The following LPP variants were observed in gnomAD, a reference collection of about 807,000 sequenced individuals.
The protein encoded by LPP is LIM domain containing preferred translocation partner in lipoma.
A neutral mutation model predicts 60.4 loss-of-function variants in LPP; 38 were observed. The ratio of observed to expected loss-of-function variants is 0.63; its 90% CI spans 0.49 to 0.83. LPP has a LOEUF of 0.83. LPP is among the 40% of genes least tolerant of loss of function. The pLI, the probability that LPP is intolerant of heterozygous loss-of-function variation, is 0.00. For synonymous variants in LPP, 328 were observed against 290.8 expected (o/e 1.13, Z -1.30); for missense variants, 902 against 783.6 (o/e 1.15, Z -1.80).
chr3:188,241,194 A>G (rs60597814), intron 2 of LPP, among the ~76,000 whole-genome samples: 2,580 of 152,266 alleles, frequency 0.017, 69 homozygotes, highest in African/African-American at 0.056. Context: ...GTATGGATAG[A>G]ACTACTGATA....
intron 3 of LPP, among the ~76,000 whole-genome samples, chr3:188,367,072 A>AT (rs1283954810): frequency 3.3e-5 from 5 of 151,834 alleles, no homozygotes; most frequent in Admixed American, 2.6e-4. Flanking sequence ...AATTTTTTGT[A>AT]TTTTTAGTAG....
chr3:188,654,181 G>A (rs1404999312), intron 7 of LPP, among the ~76,000 whole-genome samples: 1 of 152,134 alleles, frequency 6.6e-6, no homozygotes, highest in Non-Finnish European at 1.5e-5. Context: ...CAATTGATTT[G>A]CACAAATACA....
intron 5 of LPP, among the ~76,000 whole-genome samples, chr3:188,490,725 C>A (rs892113087): frequency 6.9e-6 from 1 of 144,928 alleles, no homozygotes; most frequent in Non-Finnish European, 1.5e-5. Context: ...AAAATCAATT[C>A]AAGTTTTAGC....
At chr3:188,662,806 T>C (rs1341329961) in intron 7 of LPP, among the ~76,000 whole-genome samples, 1 of 152,248 alleles carries the variant, frequency 6.6e-6, no homozygotes. Flanking sequence ...CTCAAAGCCA[T>C]GTGACTCTCC....
chr3:188,203,400 A>ATTTT (rs1243907397), intron 1 of LPP, among the ~76,000 whole-genome samples: 1 of 64,314 alleles, frequency 1.6e-5, no homozygotes, highest in South Asian at 6.4e-4. Flanking sequence ...ATTAATATAT[A>ATTTT]TTTTTATAAA....
chr3:188,280,428 G>A (rs780078998), intron 2 of LPP, among the ~76,000 whole-genome samples: 5 of 152,094 alleles, frequency 3.3e-5, no homozygotes, highest in South Asian at 2.1e-4. Flanking sequence ...CACGAATGCC[G>A]CATCTCAGGA....
chr3:188,646,936 G>T (rs1267998213), intron 7 of LPP, among the ~76,000 whole-genome samples: 2 of 152,232 alleles, frequency 1.3e-5, no homozygotes, highest in Non-Finnish European at 2.9e-5. Flanking sequence ...GTCTAGCTAG[G>T]TTGCTTCCCC....
chr3:188,718,771 G>T (rs1321248552), intron 8 of LPP, among the ~76,000 whole-genome samples: 5 of 152,082 alleles, frequency 3.3e-5, no homozygotes, highest in Admixed American at 2.6e-4. Context: ...GACAGGACAT[G>T]GTATATAGTA....
At chr3:188,819,242 C>T (rs764683873) in intron 9 of LPP, among the ~76,000 whole-genome samples, 2 of 152,010 alleles carry the variant, frequency 1.3e-5, no homozygotes, top group Non-Finnish European at 2.9e-5. Context: ...GGGCTTCTAT[C>T]GATCCCATCA....
chr3:188,838,690 G>A (rs976095758), intron 9 of LPP, among the ~76,000 whole-genome samples: 1 of 152,184 alleles, frequency 6.6e-6, no homozygotes, highest in Non-Finnish European at 1.5e-5. Flanking sequence ...AAAGGGATGA[G>A]TTCATGTCCT....
intron 7 of LPP, 37 bp from the exon 8 acceptor site, chr3:188,708,230 G>C: frequency 1.2e-6 from 2 of 1,610,688 alleles, no homozygotes; most frequent in Non-Finnish European, 1.7e-6. Flanking sequence ...GATGGTCTAG[G>C]TGGCAATTAA....
chr3:188,607,392 TATATATATATATATATATATATATAA>T (rs1192404984), intron 6 of LPP, among the ~76,000 whole-genome samples: 879 of 31,022 alleles, frequency 0.028, 36 homozygotes, highest in African/African-American at 0.11. Context: ...TATATATATA[TATATATATATATATATATATATATAA>T]TTTTTTTTTC....
chr3:188,739,407 A>T (rs1200753491), intron 8 of LPP, among the ~76,000 whole-genome samples: 1 of 152,110 alleles, frequency 6.6e-6, no homozygotes, highest in Non-Finnish European at 1.5e-5. Context: ...AATGAATTGC[A>T]TCCAGAATGC....
intron 9 of LPP, among the ~76,000 whole-genome samples, chr3:188,805,293 A>G (rs1748753686): frequency 6.6e-6 from 1 of 151,986 alleles, no homozygotes. Context: ...TGTTTGGTAC[A>G]GTTTGCCAGT....
At chr3:188,532,742 A>G (rs1188406342) in intron 6 of LPP, among the ~76,000 whole-genome samples, 1 of 152,170 alleles carries the variant, frequency 6.6e-6, no homozygotes, top group African/African-American at 2.4e-5. Context: ...TTTTCAAAAG[A>G]TAGAATAGTA....
rs532961180 is a variant in LPP at position 188,600,154 on chromosome 3, T to C, written c.430-9007T>C. On this transcript the variant is annotated intron_variant, in intron 6 of 11. Coordinates refer to ENST00000617246, the MANE Select transcript of LPP (RefSeq NM_001375462.1). ...ACATGGACATTGGAATACCACAATA[T>C]TTTAGAGTGTGTTTGCTTGGTTTTT... Among the ~76,000 whole-genome samples the C allele has an allele frequency of 4.0e-5, 6 of 149,904 alleles. No homozygotes were observed. The East Asian group carries it at 1.2e-3, about 29-fold the overall frequency.
chr3:188,477,195 AT>A, intron 4 of LPP, among the ~76,000 whole-genome samples: 1 of 152,330 alleles, frequency 6.6e-6, no homozygotes, highest in East Asian at 1.9e-4. Flanking sequence ...CTGGCTTGAC[AT>A]TCTGATCCTT....
intron 6 of LPP, among the ~76,000 whole-genome samples, chr3:188,569,528 A>G (rs1325952854): frequency 6.6e-6 from 1 of 152,038 alleles, no homozygotes; most frequent in Non-Finnish European, 1.5e-5. Context: ...TTATAATTAA[A>G]TAAAAGATAT....
intron 1 of LPP, among the ~76,000 whole-genome samples, chr3:188,200,313 G>C (rs955691202): frequency 2.0e-5 from 3 of 150,422 alleles, no homozygotes; most frequent in Admixed American, 6.6e-5. Flanking sequence ...GCAGTGGTGC[G>C]ATCGCGGCTC....
Sources: allele counts gnomAD v4.1 joint callset (sites outside exome capture counted in the v4.1 genomes callset), GRCh38; gene constraint gnomAD v4.1.1; transcripts MANE v1.5; gene names NCBI Gene and HGNC (gene_info 2026-07-23, HGNC 2026-07-21).